Variants in ST6GALNAC3 observed in about 807,000 individuals in gnomAD.
The protein encoded by ST6GALNAC3 is alpha-N-acetylgalactosaminide alpha-2,6-sialyltransferase 3.
Under a neutral mutation model 32.7 loss-of-function variants are expected in ST6GALNAC3, and 25 were observed. The ratio of observed to expected loss-of-function variants is 0.76; its 90% CI spans 0.56 to 1.07. The LOEUF (loss-of-function observed/expected upper bound fraction) is 1.07, where lower values mean the gene tolerates loss of function less well. Ranked by LOEUF, ST6GALNAC3 falls within the 50% of genes least tolerant of loss-of-function variation. The probability of loss-of-function intolerance (pLI) is 0.00; values close to 1 mark genes in which losing one functional copy is unlikely to be tolerated. For synonymous variants in ST6GALNAC3, 129 were observed against 133.1 expected, an observed-to-expected ratio of 0.97 and a Z score of 0.21; for missense variants, 355 against 382.4, an observed-to-expected ratio of 0.93 and a Z score of 0.60.
chr1:76,304,448 G>C (rs1660918350), intron 1 of ST6GALNAC3, among the ~76,000 whole-genome samples: 1 of 151,812 alleles, frequency 6.6e-6, no homozygotes, highest in South Asian at 2.1e-4. Context: ...TGCTTTATGG[G>C]GGAAACACTC....
intron 1 of ST6GALNAC3, among the ~76,000 whole-genome samples, chr1:76,294,895 A>C (rs1362667915): frequency 1.3e-5 from 2 of 152,118 alleles, no homozygotes; most frequent in Non-Finnish European, 2.9e-5. Flanking sequence ...AACTTTTAGA[A>C]GGTAAAATAA....
At chr1:76,581,625 A>G (rs534737172) in intron 3 of ST6GALNAC3, among the ~76,000 whole-genome samples, 36 of 152,316 alleles carry the variant, frequency 2.4e-4, no homozygotes, top group African/African-American at 8.7e-4. Flanking sequence ...TAACCTCAGC[A>G]AATTAGGTTG....
At chr1:76,332,713 C>T (rs1379709127) in intron 2 of ST6GALNAC3, among the ~76,000 whole-genome samples, 5 of 152,230 alleles carry the variant, frequency 3.3e-5, no homozygotes, top group African/African-American at 1.2e-4. Context: ...CTGCCCACCT[C>T]TCAGGCCCCT....
At chr1:76,348,028 G>A (rs988297085) in intron 2 of ST6GALNAC3, among the ~76,000 whole-genome samples, 6 of 152,116 alleles carry the variant, frequency 3.9e-5, no homozygotes, top group African/African-American at 1.2e-4. Flanking sequence ...GCAAACTCCG[G>A]TAGTAATTGC....
chr1:76,295,298 C>T (rs560166292), intron 1 of ST6GALNAC3, among the ~76,000 whole-genome samples: 84 of 152,010 alleles, frequency 5.5e-4, no homozygotes, highest in African/African-American at 1.9e-3. Context: ...CTAGCATGGC[C>T]CTTTGTAGTT....
At chr1:76,350,970 CT>C (rs758290604) in intron 2 of ST6GALNAC3, among the ~76,000 whole-genome samples, 31 of 152,212 alleles carry the variant, frequency 2.0e-4, no homozygotes, top group Non-Finnish European at 4.0e-4. Context: ...GCTTATGTGA[CT>C]AAGAAAAGTG....
chr1:76,133,991 T>G (rs1411574179), intron 1 of ST6GALNAC3, among the ~76,000 whole-genome samples: 1 of 152,164 alleles, frequency 6.6e-6, no homozygotes, highest in Non-Finnish European at 1.5e-5. Flanking sequence ...GTCATATAGA[T>G]AAGTGGAGCT....
chr1:76,402,035 T>G (rs1653460706), intron 2 of ST6GALNAC3, among the ~76,000 whole-genome samples: 1 of 99,210 alleles, frequency 1.0e-5, no homozygotes, highest in African/African-American at 2.9e-5. Flanking sequence ...GAGATGAATT[T>G]ATATTTTTTT....
intron 1 of ST6GALNAC3, among the ~76,000 whole-genome samples, chr1:76,221,637 C>A (rs1655777249): frequency 1.3e-5 from 2 of 152,222 alleles, no homozygotes; most frequent in Admixed American, 6.5e-5. Flanking sequence ...GGCTCTCTTA[C>A]CCTATTTTTG....
intron 3 of ST6GALNAC3, among the ~76,000 whole-genome samples, chr1:76,529,804 G>A (rs547478602): frequency 6.6e-6 from 1 of 152,178 alleles, no homozygotes; most frequent in Non-Finnish European, 1.5e-5. Flanking sequence ...CACTAGTTCT[G>A]TGACTTTGGG....
chr1:76,235,104 G>A (rs1570529556), intron 1 of ST6GALNAC3, among the ~76,000 whole-genome samples: 1 of 152,136 alleles, frequency 6.6e-6, no homozygotes, highest in South Asian at 2.1e-4. Flanking sequence ...ATGGCCTCTG[G>A]TTTCCAAAGG....
intron 1 of ST6GALNAC3, among the ~76,000 whole-genome samples, chr1:76,123,962 G>C (rs1351032082): frequency 6.6e-6 from 1 of 151,918 alleles, no homozygotes; most frequent in Non-Finnish European, 1.5e-5. Flanking sequence ...TGCTGGCCAG[G>C]CTGGTCTCCA....
At chr1:76,335,503 T>G (rs1036692562) in intron 2 of ST6GALNAC3, among the ~76,000 whole-genome samples, 2 of 151,592 alleles carry the variant, frequency 1.3e-5, no homozygotes, top group Non-Finnish European at 2.9e-5. Flanking sequence ...CCAGTGAACC[T>G]CACGTGCACA....
At chr1:76,133,460 G>A (rs754184143) in intron 1 of ST6GALNAC3, among the ~76,000 whole-genome samples, 10 of 152,116 alleles carry the variant, frequency 6.6e-5, no homozygotes, top group Admixed American at 1.3e-4. Context: ...TTATATCTCC[G>A]CCATGGGTTC....
chr1:76,357,854 A>T (rs1040133050), intron 2 of ST6GALNAC3, among the ~76,000 whole-genome samples: 2 of 152,144 alleles, frequency 1.3e-5, no homozygotes, highest in Non-Finnish European at 2.9e-5. Context: ...GTGCCTCCAG[A>T]TGAAGGTCCT....
intron 3 of ST6GALNAC3, among the ~76,000 whole-genome samples, chr1:76,532,211 C>T (rs1015472676): frequency 6.6e-6 from 1 of 152,126 alleles, no homozygotes; most frequent in African/African-American, 2.4e-5. Context: ...TTGAGCCTGC[C>T]ATTTTCACCC....
At chr1:76,098,358 A>G (rs1647169079) in intron 1 of ST6GALNAC3, among the ~76,000 whole-genome samples, 1 of 152,140 alleles carries the variant, frequency 6.6e-6, no homozygotes, top group African/African-American at 2.4e-5. Flanking sequence ...GATGGTAGAT[A>G]TTACCAACCT....
intron 3 of ST6GALNAC3, among the ~76,000 whole-genome samples, chr1:76,609,441 T>A (rs1432689790): frequency 1.3e-5 from 2 of 152,216 alleles, no homozygotes; most frequent in African/African-American, 2.4e-5. Context: ...GATTTAAACA[T>A]TCTTATTTGG....
chr1:76,470,738 A>G (rs1395229705), intron 3 of ST6GALNAC3, among the ~76,000 whole-genome samples: 1 of 152,104 alleles, frequency 6.6e-6, no homozygotes, highest in African/African-American at 2.4e-5. Context: ...GTCCATTCCA[A>G]GAGGCCATCA....
Sources: gnomAD v4.1 joint callset for allele counts (sites outside exome capture counted in the v4.1 genomes callset) on GRCh38, gnomAD v4.1.1 for gene constraint, MANE v1.5 for transcripts, NCBI Gene and HGNC (gene_info 2026-07-23, HGNC 2026-07-21) for gene names.